The following CTNNA2 variants were observed in gnomAD, a reference collection of about 807,000 sequenced individuals.
CTNNA2 encodes the protein catenin alpha 2.
Under a neutral mutation model 101.0 loss-of-function variants are expected in CTNNA2, and 42 were observed. The ratio of observed to expected loss-of-function variants is 0.42; its 90% CI spans 0.32 to 0.54. The LOEUF (loss-of-function observed/expected upper bound fraction) is 0.54. CTNNA2 is among the 20% of genes least tolerant of loss of function. CTNNA2 has a pLI of 0.14. For missense variants in CTNNA2, 871 were observed against 1,223.1 expected, an observed-to-expected ratio of 0.71 and a Z score of 4.29; for synonymous variants, 450 against 456.4, an observed-to-expected ratio of 0.99 and a Z score of 0.18.
intron 2 of CTNNA2, among the ~76,000 whole-genome samples, chr2:79,214,589 G>C (rs1674221711): frequency 6.6e-6 from 1 of 152,098 alleles, no homozygotes; most frequent in Non-Finnish European, 1.5e-5. Context: ...AGGGTGATTA[G>C]GTTTTAATGG....
intron 7 of CTNNA2, among the ~76,000 whole-genome samples, chr2:80,220,251 AT>A (rs1411314635): frequency 6.6e-6 from 1 of 152,170 alleles, no homozygotes; most frequent in African/African-American, 2.4e-5. Flanking sequence ...AAGCTACACA[AT>A]GCTCCTCTCT....
At chr2:79,326,525 T>C (rs1359159156) in intron 3 of CTNNA2, among the ~76,000 whole-genome samples, 1 of 152,164 alleles carries the variant, frequency 6.6e-6, no homozygotes, top group Non-Finnish European at 1.5e-5. Context: ...AAGGAATATT[T>C]CAGGAGCCCC....
chr2:80,241,088 G>C (rs1023626023), intron 7 of CTNNA2, among the ~76,000 whole-genome samples: 1 of 152,048 alleles, frequency 6.6e-6, no homozygotes, highest in Admixed American at 6.6e-5. Flanking sequence ...ATTCGGTCAG[G>C]ACACCCACTT....
chr2:79,647,113 G>A (rs898261170), intron 1 of CTNNA2, among the ~76,000 whole-genome samples: 1 of 152,132 alleles, frequency 6.6e-6, no homozygotes, highest in Non-Finnish European at 1.5e-5. Flanking sequence ...GCACAGATGG[G>A]ATTGAGACTA....
At chr2:79,634,979 C>G (rs183099960) in intron 1 of CTNNA2, among the ~76,000 whole-genome samples, 1 of 152,164 alleles carries the variant, frequency 6.6e-6, no homozygotes, top group East Asian at 1.9e-4. Context: ...GGGACAGTGA[C>G]ATGATGTCAT....
chr2:79,323,477 G>A (rs1676670933), intron 3 of CTNNA2, among the ~76,000 whole-genome samples: 1 of 152,062 alleles, frequency 6.6e-6, no homozygotes, highest in Non-Finnish European at 1.5e-5. Flanking sequence ...TGCATAGCTA[G>A]GTGCAGCAGA....
chr2:79,439,347 G>A (rs1362143578), intron 4 of CTNNA2, among the ~76,000 whole-genome samples: 1 of 152,200 alleles, frequency 6.6e-6, no homozygotes, highest in East Asian at 1.9e-4. Context: ...TTTCATTTCT[G>A]TGAAATGTCC....
At chr2:79,390,002 A>T (rs1678154400) in intron 4 of CTNNA2, among the ~76,000 whole-genome samples, 1 of 152,140 alleles carries the variant, frequency 6.6e-6, no homozygotes, top group Non-Finnish European at 1.5e-5. Context: ...TTTATCAGCC[A>T]CCAGCAAAAC....
chr2:80,366,184 T>C (rs1674915788), intron 7 of CTNNA2, among the ~76,000 whole-genome samples: 1 of 152,146 alleles, frequency 6.6e-6, no homozygotes, highest in African/African-American at 2.4e-5. Context: ...GGCAATACAA[T>C]ATGTGAGTTA....
At chr2:79,727,862 A>G (rs904203600) in intron 2 of CTNNA2, among the ~76,000 whole-genome samples, 2 of 151,950 alleles carry the variant, frequency 1.3e-5, no homozygotes, top group African/African-American at 4.8e-5. Flanking sequence ...TTTACTGTGA[A>G]TGATGATTTC....
At chr2:79,671,500 GA>G (rs59480648) in intron 2 of CTNNA2, among the ~76,000 whole-genome samples, 49,396 of 151,782 alleles carry the variant, frequency 0.33, 8,834 homozygotes, top group East Asian at 0.75. Flanking sequence ...ATATGAGAAG[GA>G]AAAAAAAGAT....
At chr2:80,329,761 G>A (rs1671153831) in intron 7 of CTNNA2, among the ~76,000 whole-genome samples, 1 of 152,180 alleles carries the variant, frequency 6.6e-6, no homozygotes, top group South Asian at 2.1e-4. Context: ...ATGTTTGTGT[G>A]CGGCAGGAAA....
Position 79,226,465 on chromosome 2 carries a change from G to A in CTNNA2, c.-406+28389G>A, listed in dbSNP as rs554486670. ...AATGTCAGTTATTTTTTGTGGCCAC[G>A]TTTGCCAGTTTCACCTGATCCCTCA... is the stretch of plus-strand genomic sequence containing the variant. On this transcript the variant is annotated intron_variant, in intron 2 of 21. Transcript: ENST00000466387. Among the ~76,000 whole-genome samples the A allele has an allele frequency of 4.2e-5, 6 of 142,386 alleles. No individual in the cohort carries two copies. In the South Asian group the frequency reaches 9.3e-4, roughly 22 times the overall value. 93.4% of individuals were successfully genotyped at this position (142,386 alleles called of 152,430 possible). A position where few individuals can be genotyped will look rare whatever the true frequency, so the allele number is the denominator to read the frequency against.
intron 2 of CTNNA2, among the ~76,000 whole-genome samples, chr2:79,310,303 A>G (rs17016742): frequency 0.083 from 12,596 of 152,268 alleles, 557 homozygotes; most frequent in African/African-American, 0.091. Flanking sequence ...TGTTTCTAAG[A>G]TTTCTTCATT....
At position 79,713,002 on chromosome 2, in the gene CTNNA2, G is replaced by A. The variant is rs1313241220; in HGVS notation, c.103-31385G>A. Among the ~76,000 whole-genome samples the A allele has an allele frequency of 3.3e-5, 5 of 152,194 alleles. No individual in the cohort carries two copies. The East Asian group carries it at 9.6e-4, about 29-fold the overall frequency. On this transcript the variant is annotated intron_variant, in intron 2 of 18. Coordinates refer to ENST00000402739, the MANE Select transcript of CTNNA2 (RefSeq NM_001282597.3). Reference sequence around the variant, plus strand: ...ATATTCATCAACAGATTTTTAAACAGCATGTATGTGAGTCCTCAGGGGAAA... The same window carrying A: ...ATATTCATCAACAGATTTTTAAACAACATGTATGTGAGTCCTCAGGGGAAA...
intron 1 of CTNNA2, among the ~76,000 whole-genome samples, chr2:79,190,982 G>A (rs142858544): frequency 5.3e-5 from 8 of 152,134 alleles, no homozygotes; most frequent in South Asian, 2.1e-4. Context: ...CTCGCTCTCC[G>A]CAGACTGGCT....
Position 79,476,093 on chromosome 2 carries a change from A to G in CTNNA2, c.-134-28961A>G, listed in dbSNP as rs149558912. 1.2e-3 allele frequency among the ~76,000 whole-genome samples: 187 copies of G among 152,324 alleles called. 4 individuals carry two copies. The East Asian group carries it at 0.033, about 27-fold the overall frequency. ...CACAGAGAATCAATTTGTAGAAACT[A>G]AGTCCAAGATCACCCAGTGTCAAAC... On this transcript the variant is annotated intron_variant, in intron 4 of 21. Coordinates refer to the CTNNA2 transcript ENST00000466387.
chr2:79,577,576 A>T lies in CTNNA2; in HGVS notation c.-6+64369A>T, dbSNP rs557674389. Among the ~76,000 whole-genome samples, 3 of 152,178 alleles carry T rather than the reference A, an allele frequency of 2.0e-5. No homozygotes were observed. In the South Asian group the frequency reaches 6.2e-4, roughly 32 times the overall value. On this transcript the variant is annotated intron_variant, in intron 1 of 18. Transcript: ENST00000402739. ...GGTATAATATTTTTATTGTTGGGAG[A>T]ATTACCCCTATCCATTCTAAATTTT...
At chr2:79,659,680 T>C (rs1163768541) in intron 2 of CTNNA2, among the ~76,000 whole-genome samples, 2 of 152,186 alleles carry the variant, frequency 1.3e-5, no homozygotes, top group Non-Finnish European at 2.9e-5. Context: ...CCTTGAAAAG[T>C]ATTTCAGATT....
Sources: allele counts gnomAD v4.1 joint callset (sites outside exome capture counted in the v4.1 genomes callset), GRCh38; gene constraint gnomAD v4.1.1; transcripts MANE v1.5; gene names NCBI Gene and HGNC (gene_info 2026-07-23, HGNC 2026-07-21).